Variants in PNISR observed in about 807,000 individuals in gnomAD.
PNISR encodes arginine/serine-rich protein PNISR.
PNISR carries 20 observed loss-of-function variants against 93.4 expected under a neutral mutation model. That is an observed-to-expected ratio of 0.21 (90% CI 0.15 to 0.31). The LOEUF is 0.31. Among genes scored for constraint, PNISR ranks in the 10% least tolerant of loss-of-function variants. The probability of loss-of-function intolerance (pLI) is 1.00; values close to 1 mark genes in which losing one functional copy is unlikely to be tolerated. For synonymous variants in PNISR, 305 were observed against 306.5 expected (o/e 0.99, Z 0.05); for missense variants, 893 against 985.4 (o/e 0.91, Z 1.25).
chr6:99,425,183 G>A, intron 1 of PNISR, 32 bp downstream of exon 1: 1 of 1,220,098 alleles, frequency 8.2e-7, no homozygotes, highest in Non-Finnish European at 1.0e-6. Flanking sequence ...GGTCCGGCAA[G>A]TGCCCACGTA....
At position 99,400,459 on chromosome 6, in the gene PNISR, G is replaced by A. The variant is rs1775312449; in HGVS notation, c.*81C>T. ...AGTACCAAACTGAGTTTATTAAAGA[G>A]AGAGAGAAAGGACACTTTCAACTTT... is the stretch of plus-strand genomic sequence containing the variant. On this transcript the variant is annotated 3_prime_UTR_variant, in exon 12 of 12. Transcript: ENST00000369239. The A allele has an allele frequency of 6.6e-7, 1 of 1,505,144 alleles. No individual in the cohort carries two copies. Among genetic ancestry groups the A allele is most frequent in the Non-Finnish European group, 8.8e-7 (1 of 1,130,644 alleles). 93.2% of individuals were successfully genotyped at this position (1,505,144 alleles called of 1,614,324 possible).
intron 7 of PNISR, among the ~76,000 whole-genome samples, chr6:99,407,030 TA>T (rs869211841): frequency 9.5e-6 from 1 of 105,352 alleles, no homozygotes; most frequent in Non-Finnish European, 2.1e-5. Context: ...GATTTTTTTT[TA>T]AAAAAAGACT....
chr6:99,416,321 A>G, intron 2 of PNISR, 28 bp downstream of exon 2: 4 of 715,818 alleles, frequency 5.6e-6, no homozygotes, highest in Non-Finnish European at 7.7e-6. Flanking sequence ...AACACCAAGA[A>G]GACACACCAA....
intron 7 of PNISR, among the ~76,000 whole-genome samples, 163 bp downstream of exon 7, chr6:99,407,915 ATCT>A (rs1182332323): frequency 6.6e-6 from 1 of 152,204 alleles, no homozygotes; most frequent in African/African-American, 2.4e-5. Flanking sequence ...TCCTTACTGT[ATCT>A]TCAGTAACAC....
Position 99,406,182 on chromosome 6 carries a change from T to C in PNISR, c.865-14A>G. ...CTCATCACTATCCTATAAAAAACAA[T>C]AGTATGGTAGTCCAAATTCATGTGT... On this transcript the variant is annotated splice_polypyrimidine_tract_variant and intron_variant, in intron 7 of 11. Transcript: ENST00000369239. 5 of 1,569,024 alleles carry C rather than the reference T, an allele frequency of 3.2e-6. No homozygotes were observed. In the South Asian group the frequency reaches 3.4e-5, roughly 11 times the overall value.
rs369200760 is a variant in PNISR at position 99,414,606 on chromosome 6, T to C, written c.54A>G (p.Gln18=). 18 of 1,606,058 alleles carry C rather than the reference T, an allele frequency of 1.1e-5. No individual in the cohort carries two copies. Among genetic ancestry groups the C allele is most frequent in the African/African-American group, 1.1e-4 (8 of 74,706 alleles). Reference sequence around the variant, plus strand: ...GTTGGTGCTGGAATGACTGCATCCATTGTTGCTGGTTCAAGGGCCACTGCT... The same window carrying C: ...GTTGGTGCTGGAATGACTGCATCCACTGTTGCTGGTTCAAGGGCCACTGCT... The part of the protein sequence containing the change: ...PWQQWPLNQQ[Q]WMQSFQHQQD... Residue 18 remains glutamine (Q), a synonymous_variant, in exon 3 of 12, where the codon CAA becomes CAG. Coordinates refer to ENST00000369239, the MANE Select transcript of PNISR (RefSeq NM_032870.4).
chr6:99,416,646 A>G (rs552896177), intron 1 of PNISR, among the ~76,000 whole-genome samples: 3 of 152,302 alleles, frequency 2.0e-5, no homozygotes, highest in Non-Finnish European at 4.4e-5. Context: ...TTCTTTCCAA[A>G]TCTTTTATTT....
Position 99,400,753 on chromosome 6 carries a change from A to G in PNISR, c.2205T>C (p.Asp735=), listed in dbSNP as rs1377628652. 5 of 1,610,448 alleles carry G rather than the reference A, an allele frequency of 3.1e-6. No individual in the cohort carries two copies. Among genetic ancestry groups the G allele is most frequent in the Non-Finnish European group, 4.2e-6 (5 of 1,178,354 alleles). ...TACTTTTCTTACTATCCTGTCTAGA[A>G]TCATGTCTTATGATTTTAACAGATA... ...GSISVKIIRH[D]SRQDSKKSTT... The change falls in exon 12 of 12, where the codon GAT becomes GAC. Residue 735 remains aspartate (D), a synonymous_variant. Transcript: ENST00000369239.
At chr6:99,402,849 G>T in intron 10 of PNISR, 139 bp from the exon 11 acceptor site, 1 of 563,898 alleles carries the variant, frequency 1.8e-6, no homozygotes, top group Non-Finnish European at 3.0e-6. Flanking sequence ...GTGGGGAGAA[G>T]TATACATTCA....
intron 3 of PNISR, among the ~76,000 whole-genome samples, chr6:99,413,438 T>TC (rs1562250687): frequency 1.3e-4 from 18 of 142,496 alleles, no homozygotes; most frequent in African/African-American, 4.8e-4. Context: ...ATCCATCCAT[T>TC]CATCCATGAT....
In PNISR at chr6:99,409,269, C is replaced by T. The variant is rs1776562013; in HGVS notation, c.577G>A (p.Ala193Thr). ...CTTTCTCTTCGATTCTGGGGAGGTG[C>T]TGGAGGTCCTGGAGGTCCTGGTTGC... Reference protein sequence around the residue: ...YWQPGPPGPPAPPQNRRERPS... With the variant: ...YWQPGPPGPPTPPQNRRERPS... The change falls in exon 6 of 12, where the codon GCA becomes ACA. Residue 193 changes from alanine to threonine, a missense_variant. Transcript: ENST00000369239. The T allele has an allele frequency of 6.2e-7, 1 of 1,612,010 alleles. No homozygotes were observed. Among genetic ancestry groups the T allele is most frequent in the South Asian group, 1.1e-5 (1 of 91,020 alleles).
intron 3 of PNISR, among the ~76,000 whole-genome samples, chr6:99,413,348 C>T (rs1777211879): frequency 6.6e-6 from 1 of 152,152 alleles, no homozygotes; most frequent in African/African-American, 2.4e-5. Context: ...TGAAGACTCT[C>T]TTCCCAAGAT....
Position 99,406,033 on chromosome 6 carries a change from T to A in PNISR, c.1000A>T (p.Met334Leu). The change falls in exon 8 of 12, where the codon ATG (methionine) becomes TTG (leucine). Residue 334 changes from methionine (M) to leucine (L), a missense_variant and splice_region_variant. Transcript: ENST00000369239. ...TAGTAAGAACTTTAACATTCTACCA[T>A]TTGATACTCTTTCTCCTCTTCAGTC... ...EMTEEEKEYQ[M>L]MLLTKMLLTE... 1 of 1,602,986 alleles carries A rather than the reference T, an allele frequency of 6.2e-7. No individual in the cohort carries two copies. The highest frequency in any genetic ancestry group is 8.5e-7 in the Non-Finnish European group (1 of 1,174,492).
chr6:99,420,834 G>A (rs1390011990), intron 1 of PNISR, among the ~76,000 whole-genome samples: 1 of 151,898 alleles, frequency 6.6e-6, no homozygotes, highest in South Asian at 2.1e-4. Context: ...TTTTATAGAG[G>A]GTCTGCATTA....
In PNISR at chr6:99,420,149, T is replaced by G. The variant is rs564512444; in HGVS notation, c.-111-3721A>C. Among the ~76,000 whole-genome samples the G allele has an allele frequency of 2.6e-5, 4 of 152,352 alleles. No individual in the cohort carries two copies. The East Asian group carries it at 7.7e-4, about 29-fold the overall frequency. The stretch of plus-strand genomic sequence containing the variant: ...CCTCCCGCCTCAGTCCCCAAAGTGC[T>G]GGGATTACAGACGTGAGCTATCGCT... On this transcript the variant is annotated intron_variant, in intron 1 of 11. Transcript: ENST00000369239.
chr6:99,400,953 TCTC>T lies in PNISR; in HGVS notation c.2002_2004del (p.Glu668del), dbSNP rs745550522. 1.1e-4 allele frequency: 173 copies of T among 1,592,640 alleles called. No individual in the cohort carries two copies. Among genetic ancestry groups the T allele is most frequent in the Non-Finnish European group, 1.3e-4 (155 of 1,160,784 alleles). ...CTATCTTTATCTATACTTCGACTCC[TCTC>T]CTTTTTCCTCTCTTGTTCTTTAGCC... On this transcript the variant is annotated inframe_deletion, in exon 12 of 12. Coordinates refer to ENST00000369239, the MANE Select transcript of PNISR (RefSeq NM_032870.4).
At chr6:99,425,065 G>A in intron 1 of PNISR, 150 bp downstream of exon 1, 1 of 426,100 alleles carries the variant, frequency 2.3e-6, no homozygotes, top group South Asian at 1.3e-4. Flanking sequence ...CAAGTCTGGC[G>A]GACCGCAGCG....
chr6:99,403,723 T>C (rs1775804713), intron 10 of PNISR, 106 bp downstream of exon 10: 2 of 772,756 alleles, frequency 2.6e-6, no homozygotes, highest in African/African-American at 1.8e-5. Flanking sequence ...CCTAGGTTTT[T>C]ATAAACTGAG....
intron 8 of PNISR, among the ~76,000 whole-genome samples, chr6:99,405,679 C>A (rs982158468): frequency 3.3e-5 from 5 of 152,032 alleles, no homozygotes; most frequent in African/African-American, 1.2e-4. Context: ...ATCCTCCCAC[C>A]ACAACTTCCT....
Sources: gnomAD v4.1 joint callset for allele counts (sites outside exome capture counted in the v4.1 genomes callset) on GRCh38, gnomAD v4.1.1 for gene constraint, MANE v1.5 for transcripts, NCBI Gene and HGNC (gene_info 2026-07-23, HGNC 2026-07-21) for gene names.